Variants in DYM observed in about 807,000 individuals in gnomAD.
DYM encodes the protein dymeclin.
In DYM, 78 loss-of-function variants were observed where a neutral mutation model predicts 93.1. The observed-to-expected ratio is 0.84, with a 90% CI of 0.70 to 1.01. DYM has a LOEUF of 1.01. Ranked by LOEUF, DYM falls within the 50% of genes least tolerant of loss-of-function variation. DYM has a pLI of 0.00. For synonymous variants in DYM, 321 were observed against 319.7 expected (o/e 1.00, Z -0.04); for missense variants, 789 against 845.0 (o/e 0.93, Z 0.82).
At chr18:49,423,748 A>G (rs1040587771) in intron 2 of DYM, among the ~76,000 whole-genome samples, 24 of 152,334 alleles carry the variant, frequency 1.6e-4, no homozygotes, top group East Asian at 5.8e-4. Flanking sequence ...ACAAACTACC[A>G]TCAGAGAATA....
chr18:49,114,542 GC>G (rs2081749131), intron 16 of DYM: 1 of 984,822 alleles, frequency 1.0e-6, no homozygotes, highest in Non-Finnish European at 1.2e-6. Flanking sequence ...CCTCCACTCT[GC>G]TTTTCACTTC....
At chr18:49,372,644 C>T (rs948522561) in intron 5 of DYM, among the ~76,000 whole-genome samples, 1 of 152,094 alleles carries the variant, frequency 6.6e-6, no homozygotes, top group African/African-American at 2.4e-5. Flanking sequence ...ACTCAGGAGG[C>T]TGATACAGGA....
At chr18:49,071,937 A>T (rs981907142) in intron 17 of DYM, among the ~76,000 whole-genome samples, 1 of 152,178 alleles carries the variant, frequency 6.6e-6, no homozygotes, top group Non-Finnish European at 1.5e-5. Context: ...CACAGCCATA[A>T]TAACTGCCAC....
intron 2 of DYM, among the ~76,000 whole-genome samples, chr18:49,426,880 C>A (rs1345586153): frequency 6.6e-6 from 1 of 151,782 alleles, no homozygotes; most frequent in African/African-American, 2.4e-5. Context: ...TTACACCAAC[C>A]CCTTCCTGAA....
chr18:49,311,830 C>G (rs1473160372), intron 8 of DYM, among the ~76,000 whole-genome samples: 1 of 148,726 alleles, frequency 6.7e-6, no homozygotes, highest in East Asian at 2.0e-4. Flanking sequence ...ACATATGTAA[C>G]AAACCTTCAC....
intron 13 of DYM, among the ~76,000 whole-genome samples, chr18:49,231,810 C>CT (rs2093703929): frequency 6.6e-6 from 1 of 152,076 alleles, no homozygotes; most frequent in African/African-American, 2.4e-5. Flanking sequence ...CCAGAGGAAT[C>CT]TTAGTCAAAG....
chr18:49,298,405 C>A (rs1233107881), intron 8 of DYM, among the ~76,000 whole-genome samples: 1 of 151,980 alleles, frequency 6.6e-6, no homozygotes, highest in Non-Finnish European at 1.5e-5. Flanking sequence ...CATGGTGAAA[C>A]CCCGTCTCTA....
intron 8 of DYM, among the ~76,000 whole-genome samples, chr18:49,324,578 G>T (rs548448440): frequency 1.3e-5 from 2 of 152,088 alleles, no homozygotes; most frequent in Non-Finnish European, 2.9e-5. Context: ...GAGAAAACAT[G>T]GCTGGCATAT....
At chr18:49,097,874 GCTCTCT>G (rs61301668) in intron 16 of DYM, among the ~76,000 whole-genome samples, 16,441 of 141,146 alleles carry the variant, frequency 0.12, 961 homozygotes, top group Middle Eastern at 0.24. Context: ...CTTAATATTA[GCTCTCT>G]CTCTCTCTCT....
At chr18:49,383,905 G>A (rs944870460) in intron 3 of DYM, among the ~76,000 whole-genome samples, 1 of 152,080 alleles carries the variant, frequency 6.6e-6, no homozygotes, top group African/African-American at 2.4e-5. Context: ...TGAAACCTCA[G>A]AAGAAAAGCT....
At chr18:49,184,021 T>G (rs1291799035) in intron 14 of DYM, among the ~76,000 whole-genome samples, 1 of 152,182 alleles carries the variant, frequency 6.6e-6, no homozygotes, top group East Asian at 1.9e-4. Context: ...CACTTTGATC[T>G]TGGACTTCCA....
rs1359447053 is a variant in DYM, at chr18:49,058,856, C to T, written c.2026-14652G>A. Among the ~76,000 whole-genome samples the T allele has an allele frequency of 3.9e-5, 6 of 151,958 alleles. No individual in the cohort carries two copies. The South Asian group carries it at 1.2e-3, about 32-fold the overall frequency. Reference sequence around the variant, plus strand: ...TAGAGCAAGAGGATGTAGAACATACCTTTTTTTTTAAATCAAAATTTGTTA... The same window carrying T: ...TAGAGCAAGAGGATGTAGAACATACTTTTTTTTTTAAATCAAAATTTGTTA... On this transcript the variant is annotated intron_variant, in intron 17 of 17. Coordinates refer to ENST00000675505, the MANE Select transcript of DYM (RefSeq NM_001353214.3).
intron 2 of DYM, among the ~76,000 whole-genome samples, chr18:49,414,214 G>C (rs8093029): frequency 0.017 from 2,584 of 152,176 alleles, 80 homozygotes; most frequent in African/African-American, 0.06. Context: ...TTCTATCTGA[G>C]GTGATGAAAA....
chr18:49,208,226 T>A (rs1017577909), intron 14 of DYM, among the ~76,000 whole-genome samples: 12 of 150,394 alleles, frequency 8.0e-5, no homozygotes, highest in African/African-American at 2.5e-4. Context: ...AAGACGTCAA[T>A]TATCCTGCAC....
In DYM at chr18:49,283,201, AT is replaced by A. The variant is rs534560383; in HGVS notation, c.947-1027del. Among the ~76,000 whole-genome samples the A allele has an allele frequency of 5.9e-5, 9 of 152,308 alleles. No homozygotes were observed. In the South Asian group the frequency reaches 1.9e-3, roughly 32 times the overall value. ...TTGAATATCTCATGTAATTTATCAA[AT>A]ACAGTACTGAATTTATATTGTTTTT... On this transcript the variant is annotated intron_variant, in intron 9 of 17. Coordinates refer to ENST00000675505, the MANE Select transcript of DYM (RefSeq NM_001353214.3).
At chr18:49,404,005 T>TTTTG (rs1166519698) in intron 2 of DYM, among the ~76,000 whole-genome samples, 55 of 152,152 alleles carry the variant, frequency 3.6e-4, no homozygotes, top group East Asian at 1.5e-3. Context: ...TCTGTTTTTT[T>TTTTG]TTTGTTTGTT....
intron 13 of DYM, among the ~76,000 whole-genome samples, chr18:49,223,169 G>T (rs2093424019): frequency 6.6e-6 from 1 of 152,120 alleles, no homozygotes. Flanking sequence ...AAACAAATCT[G>T]AAATGTGAGA....
Position 49,453,027 on chromosome 18 carries a change from T to C in DYM, c.-54+7371A>G, listed in dbSNP as rs1435328041. 2.3e-5 allele frequency among the ~76,000 whole-genome samples: 3 copies of C among 133,016 alleles called. 1 individual carries two copies. In the East Asian group the frequency reaches 6.7e-4, roughly 30 times the overall value. The allele number at this position is 133,016 out of a possible 152,430, so 87.3% of individuals were successfully genotyped here. A position where few individuals can be genotyped will look rare whatever the true frequency, so the allele number is the denominator to read the frequency against. On this transcript the variant is annotated intron_variant, in intron 1 of 17. Transcript: ENST00000675505. ...AGAATCTTTATGTCTAGCTAAGGGA[T>C]TGTAAATACACCAATCAGCACTCTG... is the stretch of plus-strand genomic sequence containing the variant.
At chr18:49,211,499 C>T (rs1208321333) in intron 13 of DYM, among the ~76,000 whole-genome samples, 1 of 152,078 alleles carries the variant, frequency 6.6e-6, no homozygotes. Context: ...AGTATTAATA[C>T]CAAGAGGGTG....
Sources: allele counts gnomAD v4.1 joint callset (sites outside exome capture counted in the v4.1 genomes callset), GRCh38; gene constraint gnomAD v4.1.1; transcripts MANE v1.5; gene names NCBI Gene and HGNC (gene_info 2026-07-23, HGNC 2026-07-21).